CRK: variants seen among roughly 807,000 people sequenced by gnomAD.
The protein encoded by CRK is CRK proto-oncogene, adaptor protein.
CRK carries 4 observed loss-of-function variants against 29.8 expected under a neutral mutation model. That is an observed-to-expected ratio of 0.13 (90% CI 0.07 to 0.31). The LOEUF (loss-of-function observed/expected upper bound fraction) is 0.31, where lower values mean the gene tolerates loss of function less well. Ranked by LOEUF, CRK falls within the 10% of genes least tolerant of loss-of-function variation. The pLI is 1.00. For synonymous variants in CRK, 153 were observed against 164.9 expected (o/e 0.93, Z 0.55); for missense variants, 274 against 396.5 (o/e 0.69, Z 2.62).
In CRK at chr17:1,439,844, A is replaced by G. The variant is rs1335141865; in HGVS notation, c.242-2689T>C. On this transcript the variant is annotated intron_variant, in intron 1 of 2. Coordinates refer to ENST00000300574, the MANE Select transcript of CRK (RefSeq NM_016823.4). ...GGCAACAGAGCAAGACTCTGTGTCA[A>G]ACAAACAAAAAAAAGAAAATGAATT... Among the ~76,000 whole-genome samples the G allele has an allele frequency of 3.3e-5, 5 of 151,896 alleles. No individual in the cohort carries two copies. The South Asian group carries it at 1.0e-3, about 32-fold the overall frequency.
chr17:1,428,478 G>C (rs1443271530), intron 2 of CRK, among the ~76,000 whole-genome samples: 1 of 150,496 alleles, frequency 6.6e-6, no homozygotes, highest in Non-Finnish European at 1.5e-5. Flanking sequence ...TGTTATTGGG[G>C]AAAGGAACTA....
intron 1 of CRK, among the ~76,000 whole-genome samples, chr17:1,443,726 G>A (rs541080214): frequency 6.8e-6 from 1 of 147,398 alleles, no homozygotes; most frequent in South Asian, 2.1e-4. Context: ...TTGAGATGGA[G>A]TCTCTTTCTG....
At position 1,449,997 on chromosome 17, in the gene CRK, G is replaced by A. The variant is rs148252577; in HGVS notation, c.241+5880C>T. Among the ~76,000 whole-genome samples the A allele has an allele frequency of 1.5e-3, 223 of 152,122 alleles. 2 individuals carry two copies. In the East Asian group the frequency reaches 0.024, roughly 17 times the overall value. ...GTGGATTACTTGAGGTCAGGAGATC[G>A]AGACCAGCCTGGCCAACATGGTGAA... On this transcript the variant is annotated intron_variant, in intron 1 of 2. Coordinates refer to ENST00000300574, the MANE Select transcript of CRK (RefSeq NM_016823.4).
At chr17:1,453,089 C>G (rs1448117436) in intron 1 of CRK, among the ~76,000 whole-genome samples, 1 of 152,140 alleles carries the variant, frequency 6.6e-6, no homozygotes, top group Non-Finnish European at 1.5e-5. Context: ...GCTTGGGTGA[C>G]AGAGGCTCTG....
chr17:1,449,264 C>T (rs1277831460), intron 1 of CRK, among the ~76,000 whole-genome samples: 1 of 152,144 alleles, frequency 6.6e-6, no homozygotes, highest in Non-Finnish European at 1.5e-5. Flanking sequence ...TACGGATGCA[C>T]TCCACCCAGG....
At chr17:1,430,868 C>T (rs1347664383) in intron 2 of CRK, among the ~76,000 whole-genome samples, 1 of 151,284 alleles carries the variant, frequency 6.6e-6, no homozygotes, top group Non-Finnish European at 1.5e-5. Flanking sequence ...CAGATCGAGA[C>T]CATCCTGGCT....
At chr17:1,454,137 G>A (rs1333198370) in intron 1 of CRK, among the ~76,000 whole-genome samples, 1 of 152,184 alleles carries the variant, frequency 6.6e-6, no homozygotes, top group Non-Finnish European at 1.5e-5. Flanking sequence ...AAAAGGCAAA[G>A]GTTGCAGTGA....
rs1473268191 is a variant in CRK, at chr17:1,421,943, G to C, written c.*1570C>G. ...TTCATGCTGTCGTCTAAATAGCCTA[G>C]GTCATTTTTGGTCTCATAGGTCTAT... is the stretch of plus-strand genomic sequence containing the variant. On this transcript the variant is annotated 3_prime_UTR_variant, in exon 3 of 3. Transcript: ENST00000300574. 1 of 152,022 alleles carries C rather than the reference G, an allele frequency of 6.6e-6. No individual in the cohort carries two copies. The highest frequency in any genetic ancestry group is 1.5e-5 in the Non-Finnish European group (1 of 68,018). The allele number at this position is 152,022 out of a possible 1,614,324, so 9.4% of individuals were successfully genotyped here.
chr17:1,430,925 G>T (rs141608062), intron 2 of CRK, among the ~76,000 whole-genome samples: 9 of 151,680 alleles, frequency 5.9e-5, no homozygotes, highest in Admixed American at 1.3e-4. Context: ...AAAATTAACC[G>T]GGCGTGGTAG....
At chr17:1,455,822 G>T in intron 1 of CRK, 55 bp downstream of exon 1, 1 of 1,440,436 alleles carries the variant, frequency 6.9e-7, no homozygotes. Context: ...CAGCCAGGCT[G>T]GGAGTTCCGC....
intron 2 of CRK, among the ~76,000 whole-genome samples, chr17:1,424,067 G>GTTTTTTTTTT (rs58338503): frequency 7.3e-5 from 8 of 109,836 alleles, no homozygotes; most frequent in Non-Finnish European, 1.2e-4. Flanking sequence ...AGCTTTCTCC[G>GTTTTTTTTTT]TTTTTTTTTT....
chr17:1,455,078 G>C (rs765400356), intron 1 of CRK, among the ~76,000 whole-genome samples: 8 of 152,162 alleles, frequency 5.3e-5, no homozygotes, highest in Non-Finnish European at 1.0e-4. Flanking sequence ...GGAAGGGTCT[G>C]TTTCCATTGC....
intron 1 of CRK, among the ~76,000 whole-genome samples, chr17:1,439,245 G>A (rs571269261): frequency 1.2e-3 from 182 of 152,174 alleles, no homozygotes; most frequent in African/African-American, 4.1e-3. Context: ...ACAGGCACCC[G>A]CCACCATGCC....
chr17:1,437,612 G>A (rs1195202303), intron 1 of CRK, among the ~76,000 whole-genome samples: 2 of 151,496 alleles, frequency 1.3e-5, no homozygotes, highest in Admixed American at 6.6e-5. Flanking sequence ...ATGTTCTGTC[G>A]CTACCCCATT....
rs1237594337 is a variant in CRK, at chr17:1,423,292, A to G, written c.*221T>C. The G allele has an allele frequency of 1.2e-5, 7 of 602,544 alleles. No individual in the cohort carries two copies. The highest frequency in any genetic ancestry group is 5.6e-5 in the African/African-American group (3 of 53,302). 37.3% of individuals were successfully genotyped at this position (602,544 alleles called of 1,614,324 possible). On this transcript the variant is annotated 3_prime_UTR_variant, in exon 3 of 3. Coordinates refer to ENST00000300574, the MANE Select transcript of CRK (RefSeq NM_016823.4). The stretch of plus-strand genomic sequence containing the variant: ...ACAGGCACGACCACTACCGCCTCCA[A>G]TTGCCAATTCAGAAGCTAACACACA...
intron 2 of CRK, among the ~76,000 whole-genome samples, chr17:1,433,890 G>A (rs1454717105): frequency 2.1e-5 from 3 of 145,900 alleles, no homozygotes; most frequent in Admixed American, 6.9e-5. Flanking sequence ...TGTAGAGACC[G>A]GATCTCACCA....
intron 1 of CRK, among the ~76,000 whole-genome samples, chr17:1,442,728 GC>G (rs758138296): frequency 5.4e-5 from 8 of 147,314 alleles, no homozygotes; most frequent in Non-Finnish European, 1.0e-4. Context: ...CTGCCTCAGC[GC>G]CCCAAGTAGC....
At chr17:1,429,394 C>T (rs2073815349) in intron 2 of CRK, among the ~76,000 whole-genome samples, 1 of 151,954 alleles carries the variant, frequency 6.6e-6, no homozygotes, top group Non-Finnish European at 1.5e-5. Flanking sequence ...GTGCCTTAGG[C>T]TCCCAAGGAC....
intron 1 of CRK, among the ~76,000 whole-genome samples, chr17:1,441,303 C>G (rs967856980): frequency 5.9e-5 from 9 of 152,084 alleles, no homozygotes; most frequent in African/African-American, 2.2e-4. Context: ...CAGCGATCCT[C>G]TCACCTTAGT....
Sources: gnomAD v4.1 joint callset for allele counts (sites outside exome capture counted in the v4.1 genomes callset) on GRCh38, gnomAD v4.1.1 for gene constraint, MANE v1.5 for transcripts, NCBI Gene and HGNC (gene_info 2026-07-23, HGNC 2026-07-21) for gene names.